CPNE7: variants seen among roughly 807,000 people sequenced by gnomAD.
CPNE7 encodes the protein copine-7.
A neutral mutation model predicts 66.5 loss-of-function variants in CPNE7; 78 were observed. The ratio of observed to expected loss-of-function variants is 1.17; its 90% CI spans 0.98 to 1.42. CPNE7 has a LOEUF of 1.42. Ranked by LOEUF, CPNE7 falls within the 40% of genes most tolerant of loss-of-function variation. The pLI, the probability that CPNE7 is intolerant of heterozygous loss-of-function variation, is 0.00. For missense variants in CPNE7, 1,012 were observed against 776.6 expected, an observed-to-expected ratio of 1.30 and a Z score of -3.60; for synonymous variants, 468 against 336.7, an observed-to-expected ratio of 1.39 and a Z score of -4.27.
chr16:89,592,815 T>C (rs200872761), intron 13 of CPNE7, among the ~76,000 whole-genome samples: 44 of 140,388 alleles, frequency 3.1e-4, no homozygotes, highest in Middle Eastern at 3.5e-3. Context: ...CTTTTCTTTT[T>C]TTTTTTTTTT....
At chr16:89,583,906 G>T (rs1375927725) in intron 3 of CPNE7, 122 bp from the exon 4 acceptor site, 2 of 1,439,390 alleles carry the variant, frequency 1.4e-6, no homozygotes, top group Non-Finnish European at 1.9e-6. Context: ...AGCCCCGGGG[G>T]TACACAGACA....
intron 2 of CPNE7, among the ~76,000 whole-genome samples, chr16:89,582,556 G>C (rs530189807): frequency 1.3e-5 from 2 of 152,310 alleles, no homozygotes; most frequent in South Asian, 2.1e-4. Flanking sequence ...GGGAATCTTG[G>C]GGGGCCTGGC....
chr16:89,591,066 C>G lies in CPNE7; in HGVS notation c.1168+8C>G, dbSNP rs764702599. 3.7e-6 allele frequency: 6 copies of G among 1,613,522 alleles called. No individual in the cohort carries two copies. In the East Asian group the frequency reaches 1.3e-4, roughly 36 times the overall value. ...AGGACGATGAGTGTGAAGGTAGGAG[C>G]TCGAGGCAGGCCTGGGGAGGGGAGT... On this transcript the variant is annotated splice_region_variant and intron_variant, in intron 12 of 14. Transcript: ENST00000319518.
chr16:89,592,064 A>G (rs1429813444), intron 13 of CPNE7, among the ~76,000 whole-genome samples: 1 of 143,872 alleles, frequency 7.0e-6, no homozygotes, highest in African/African-American at 2.6e-5. Flanking sequence ...CTGGAAGTGT[A>G]GTGGCGCAAT....
chr16:89,583,377 C>T, intron 2 of CPNE7: 1 of 1,452,688 alleles, frequency 6.9e-7, no homozygotes, highest in Non-Finnish European at 9.4e-7. Context: ...TGTGCAGGTG[C>T]AGGCCAGCTG....
Position 89,576,086 on chromosome 16 carries a change from TG to T in CPNE7, c.174+18del. The T allele has an allele frequency of 8.0e-7, 1 of 1,249,470 alleles. No homozygotes were observed. The highest frequency in any genetic ancestry group is 3.1e-5 in the South Asian group (1 of 32,304). 77.4% of individuals were successfully genotyped at this position (1,249,470 alleles called of 1,614,324 possible). On this transcript the variant is annotated intron_variant, in intron 1 of 14. Coordinates refer to ENST00000319518, the MANE Select transcript of CPNE7 (RefSeq NM_153636.3). ...AGTGGGTGCAGGTAGGGCCGGGGCGTGGGAGGCCGAGAGGCCACCGGGCCGG... is the reference window on the plus strand; with the variant it reads ...AGTGGGTGCAGGTAGGGCCGGGGCGTGGAGGCCGAGAGGCCACCGGGCCGG...
intron 2 of CPNE7, among the ~76,000 whole-genome samples, chr16:89,582,845 C>G (rs1468401537): frequency 6.6e-6 from 1 of 152,278 alleles, no homozygotes; most frequent in Non-Finnish European, 1.5e-5. Flanking sequence ...ACACCTGCTA[C>G]CTGGTGGGCC....
chr16:89,590,903 G>C, intron 11 of CPNE7, 104 bp from the exon 12 acceptor site: 1 of 1,225,578 alleles, frequency 8.2e-7, no homozygotes, highest in African/African-American at 1.6e-5. Flanking sequence ...AGCTGACTGG[G>C]GGACATGGGG....
intron 8 of CPNE7, 125 bp from the exon 9 acceptor site, chr16:89,586,918 G>C: frequency 9.0e-7 from 1 of 1,114,860 alleles, no homozygotes; most frequent in Non-Finnish European, 1.3e-6. Context: ...GAGAGGATGG[G>C]GGAGAGGAGA....
intron 13 of CPNE7, among the ~76,000 whole-genome samples, chr16:89,594,568 C>T (rs2059222856): frequency 6.7e-6 from 1 of 149,468 alleles, no homozygotes. Context: ...CCGTTGTCCA[C>T]AGTTTGGGCA....
At chr16:89,594,422 G>A (rs2059220260) in intron 13 of CPNE7, among the ~76,000 whole-genome samples, 1 of 152,050 alleles carries the variant, frequency 6.6e-6, no homozygotes, top group Non-Finnish European at 1.5e-5. Flanking sequence ...GACTCTGAGT[G>A]GGGTCCTGGG....
rs955936863 is a variant in CPNE7 at position 89,585,685 on chromosome 16, A to G, written c.682-2A>G. The G allele has an allele frequency of 5.8e-6, 9 of 1,553,164 alleles. No homozygotes were observed. Among genetic ancestry groups the G allele is most frequent in the Non-Finnish European group, 7.0e-6 (8 of 1,148,082 alleles). The stretch of plus-strand genomic sequence containing the variant: ...AGTGCTGAGGAGGACTGGGCTCCCC[A>G]GTGCCTGGTCTGGGATTACGACTCT... On this transcript the variant is annotated splice_acceptor_variant, in intron 6 of 14. Transcript: ENST00000319518. LOFTEE classifies it high-confidence loss of function.
At chr16:89,577,820 T>G in intron 2 of CPNE7, 99 bp downstream of exon 2, 3 of 1,155,286 alleles carry the variant, frequency 2.6e-6, no homozygotes, top group Middle Eastern at 2.9e-4. Flanking sequence ...CCTGCTGGGG[T>G]GGCCAACCTG....
chr16:89,590,133 G>A (rs976388654), intron 11 of CPNE7, among the ~76,000 whole-genome samples, 182 bp downstream of exon 11: 1 of 152,190 alleles, frequency 6.6e-6, no homozygotes, highest in African/African-American at 2.4e-5. Flanking sequence ...TGGCCTCCTA[G>A]GACTTGTTAG....
At chr16:89,583,385 C>G (rs2058984664) in intron 2 of CPNE7, 1 of 1,494,894 alleles carries the variant, frequency 6.7e-7, no homozygotes. Flanking sequence ...TGCAGGCCAG[C>G]TGGGCTGTGA....
intron 2 of CPNE7, among the ~76,000 whole-genome samples, chr16:89,581,494 A>G (rs1041707318): frequency 3.3e-5 from 5 of 152,124 alleles, no homozygotes; most frequent in African/African-American, 1.2e-4. Context: ...CTTTTACCCA[A>G]CATAATGTCT....
rs371142160 is a variant in CPNE7 at position 89,583,556 on chromosome 16, G to A, written c.358-141G>A. The stretch of plus-strand genomic sequence containing the variant: ...GCTTGAGAGCAGCCACAAAGGGGGC[G>A]CGGGCCCTGGGCAGTGAAGCTCATG... On this transcript the variant is annotated intron_variant, in intron 2 of 14. Transcript: ENST00000319518. 5.7e-5 allele frequency: 90 copies of A among 1,589,468 alleles called. No homozygotes were observed. The Middle Eastern group carries it at 6.7e-4, about 12-fold the overall frequency.
At chr16:89,578,938 T>C in intron 2 of CPNE7, 3 of 1,613,468 alleles carry the variant, frequency 1.9e-6, no homozygotes, top group Non-Finnish European at 1.7e-6. Flanking sequence ...CGCTAAGCAC[T>C]TCCTGTGCTG....
At position 89,584,047 on chromosome 16, in the gene CPNE7, C is replaced by T. The variant is rs529101968; in HGVS notation, c.452C>T (p.Ser151Leu). 297 of 1,612,168 alleles carry T rather than the reference C, an allele frequency of 1.8e-4. No homozygotes were observed. Among genetic ancestry groups the T allele is most frequent in the Middle Eastern group, 3.3e-4 (2 of 6,052 alleles). ...STITVIAEDI[S>L]GNNGYVELSF... ...TGCCAGGTGATCGCCGAGGACATCT[C>T]GGGGAACAACGGCTACGTGGAGCTC... Residue 151 changes from serine (S) to leucine (L), a missense_variant, in exon 4 of 15, where the codon TCG becomes TTG. Coordinates refer to ENST00000319518, the MANE Select transcript of CPNE7 (RefSeq NM_153636.3). The surrounding 1 kb of genome is among the most constrained non-coding windows in gnomAD (Gnocchi z 6.0).
Sources: allele counts gnomAD v4.1 joint callset (sites outside exome capture counted in the v4.1 genomes callset), GRCh38; gene constraint gnomAD v4.1.1; non-coding constraint Gnocchi (gnomAD v3.1); transcripts MANE v1.5; gene names NCBI Gene and HGNC (gene_info 2026-07-23, HGNC 2026-07-21).